Variants in HS6ST2 observed in about 807,000 individuals in gnomAD.
HS6ST2 encodes the protein heparan-sulfate 6-O-sulfotransferase 2.
Under a neutral mutation model 33.0 loss-of-function variants are expected in HS6ST2, and 17 were observed. The ratio of observed to expected loss-of-function variants is 0.52; its 90% CI spans 0.35 to 0.77. The LOEUF is 0.77. HS6ST2 is among the 30% of genes least tolerant of loss of function. The probability of loss-of-function intolerance (pLI) is 0.01; values close to 1 mark genes in which losing one functional copy is unlikely to be tolerated. For synonymous variants in HS6ST2, 248 were observed against 237.1 expected (o/e 1.05, Z -0.42); for missense variants, 519 against 551.7 (o/e 0.94, Z 0.59).
chrX:132,705,902 T>C (rs1340692006), intron 3 of HS6ST2, among the ~76,000 whole-genome samples: 2 of 112,189 alleles, frequency 1.8e-5, no homozygotes, highest in East Asian at 5.6e-4. Flanking sequence ...GAACATCTCC[T>C]TTCACACATA....
intron 2 of HS6ST2, among the ~76,000 whole-genome samples, chrX:132,878,620 T>C (rs922584114): frequency 8.9e-6 from 1 of 112,174 alleles, no homozygotes; most frequent in African/African-American, 3.2e-5. Flanking sequence ...AGATGGTGAA[T>C]GATGCCAAAC....
Position 132,957,323 on chromosome X carries a change from G to A in HS6ST2, c.432C>T (p.Val144=), listed in dbSNP as rs760798236. ...TGTTGGATTTCTCATCCATGTTCCCGACGCTGGGGGAAACCCAAGCTCGTT... is the reference window on the plus strand; with the variant it reads ...TGTTGGATTTCTCATCCATGTTCCCAACGCTGGGGGAAACCCAAGCTCGTT... ...FSKIFGPMAS[V]GNMDEKSNKL... Residue 144 remains valine, a synonymous_variant, in exon 2 of 5, where the codon GTC becomes GTT. Transcript: ENST00000370833. The A allele has an allele frequency of 8.7e-7, 1 of 1,154,650 alleles. No homozygotes were observed. Among genetic ancestry groups the A allele is most frequent in the Non-Finnish European group, 1.2e-6 (1 of 866,611 alleles).
intron 3 of HS6ST2, among the ~76,000 whole-genome samples, chrX:132,702,390 T>A (rs778738850): frequency 8.9e-6 from 1 of 112,542 alleles, no homozygotes; most frequent in South Asian, 3.7e-4. Flanking sequence ...AGCATCCATT[T>A]ATATTCTATA....
intron 2 of HS6ST2, among the ~76,000 whole-genome samples, chrX:132,858,310 G>A (rs1472074918): frequency 8.9e-6 from 1 of 112,183 alleles, no homozygotes; most frequent in Non-Finnish European, 1.9e-5. Context: ...AACTGTTGTA[G>A]ACAGGGAATC....
At chrX:132,839,272 G>GTGTATA (rs1322487756) in intron 2 of HS6ST2, among the ~76,000 whole-genome samples, 2 of 62,793 alleles carry the variant, frequency 3.2e-5, no homozygotes, top group African/African-American at 5.7e-5. Context: ...TGTAGTGTGT[G>GTGTATA]TATATATATA....
At chrX:132,753,476 A>G (rs77385418) in intron 2 of HS6ST2, among the ~76,000 whole-genome samples, 9 of 110,989 alleles carry the variant, frequency 8.1e-5, no homozygotes, top group African/African-American at 2.6e-4. Flanking sequence ...GTGGTAGTGA[A>G]TAAGTCTCAT....
intron 4 of HS6ST2, among the ~76,000 whole-genome samples, chrX:132,632,828 G>A (rs1167212422): frequency 1.8e-5 from 2 of 110,711 alleles, no homozygotes; most frequent in African/African-American, 6.6e-5. Context: ...TGTAATTCCA[G>A]CACTTTGGGA....
intron 2 of HS6ST2, among the ~76,000 whole-genome samples, chrX:132,796,344 C>CAAA (rs1171360599): frequency 8.9e-6 from 1 of 111,862 alleles, no homozygotes. Flanking sequence ...ACCTGGATAC[C>CAAA]ATTTTCCTCT....
At chrX:132,844,551 C>A (rs2065733668) in intron 2 of HS6ST2, among the ~76,000 whole-genome samples, 1 of 111,250 alleles carries the variant, frequency 9.0e-6, no homozygotes, top group African/African-American at 3.3e-5. Context: ...AGCTCCACTT[C>A]CAAATGGGGT....
intron 2 of HS6ST2, among the ~76,000 whole-genome samples, chrX:132,933,433 A>T (rs1010094412): frequency 8.1e-5 from 9 of 111,431 alleles, no homozygotes; most frequent in Non-Finnish European, 1.7e-4. Context: ...CAATCTGAAA[A>T]CAGAGAGAGA....
intron 2 of HS6ST2, among the ~76,000 whole-genome samples, chrX:132,876,678 C>G (rs1471774603): frequency 9.1e-6 from 1 of 110,432 alleles, no homozygotes; most frequent in Non-Finnish European, 1.9e-5. Flanking sequence ...TGAGAGACAG[C>G]TGAAGAGGCA....
chrX:132,812,583 T>TGG (rs35783156), intron 2 of HS6ST2, among the ~76,000 whole-genome samples: 1 of 100,015 alleles, frequency 1.0e-5, no homozygotes, highest in Non-Finnish European at 2.0e-5. Flanking sequence ...TTTTTTTTTT[T>TGG]GGGGGGGGGA....
intron 2 of HS6ST2, among the ~76,000 whole-genome samples, chrX:132,726,959 T>C (rs192455696): frequency 9.9e-5 from 11 of 111,008 alleles, no homozygotes; most frequent in African/African-American, 3.3e-4. Context: ...TCTCTCTTAC[T>C]CTTTTTGAAT....
chrX:132,814,009 A>G (rs183077667), intron 2 of HS6ST2, among the ~76,000 whole-genome samples: 33 of 111,474 alleles, frequency 3.0e-4, no homozygotes, highest in Admixed American at 2.8e-3. Flanking sequence ...CAGTGGCACA[A>G]TCTCAGGTCA....
chrX:132,842,719 A>G (rs1366007425), intron 2 of HS6ST2, among the ~76,000 whole-genome samples: 1 of 111,517 alleles, frequency 9.0e-6, no homozygotes, highest in East Asian at 2.8e-4. Context: ...TCTGAAGGAG[A>G]TAGATCCTGG....
intron 2 of HS6ST2, among the ~76,000 whole-genome samples, chrX:132,752,349 G>T (rs1422841017): frequency 9.1e-6 from 1 of 109,743 alleles, no homozygotes. Context: ...GCGCACATCT[G>T]TGGTCACAAC....
chrX:132,655,134 A>G (rs987548859), intron 4 of HS6ST2, among the ~76,000 whole-genome samples: 9 of 111,789 alleles, frequency 8.1e-5, no homozygotes, highest in Non-Finnish European at 3.8e-5. Context: ...CCACCTCTCT[A>G]TGCCCACCCT....
At chrX:132,729,481 G>A (rs924639385) in intron 2 of HS6ST2, among the ~76,000 whole-genome samples, 2 of 111,052 alleles carry the variant, frequency 1.8e-5, no homozygotes, top group Non-Finnish European at 3.8e-5. Flanking sequence ...CATTCAGGGA[G>A]TCCGTAAGGG....
At chrX:132,746,956 G>C (rs1256171923) in intron 2 of HS6ST2, among the ~76,000 whole-genome samples, 2 of 112,080 alleles carry the variant, frequency 1.8e-5, no homozygotes, top group Non-Finnish European at 3.8e-5. Context: ...GAGGAAACAA[G>C]AGTCAAACTT....
Sources: allele counts gnomAD v4.1 joint callset (sites outside exome capture counted in the v4.1 genomes callset), GRCh38; gene constraint gnomAD v4.1.1; transcripts MANE v1.5; gene names NCBI Gene and HGNC (gene_info 2026-07-23, HGNC 2026-07-21).